The following TBL1XR1 variants were observed in gnomAD, a reference collection of about 807,000 sequenced individuals.
TBL1XR1 encodes the protein TBL1X/Y related 1.
Under a neutral mutation model 66.9 loss-of-function variants are expected in TBL1XR1, and 5 were observed. The observed-to-expected ratio is 0.07, with a 90% CI of 0.04 to 0.16. The LOEUF (loss-of-function observed/expected upper bound fraction) is 0.16, where lower values mean the gene tolerates loss of function less well. Ranked by LOEUF, TBL1XR1 falls within the 10% of genes least tolerant of loss-of-function variation. TBL1XR1 has a pLI of 1.00. For synonymous variants in TBL1XR1, 210 were observed against 206.0 expected, an observed-to-expected ratio of 1.02 and a Z score of -0.17; for missense variants, 238 against 623.2, an observed-to-expected ratio of 0.38 and a Z score of 6.58.
chr3:177,064,888 T>C (rs1475612903), intron 3 of TBL1XR1, 32 bp downstream of exon 3: 1 of 1,297,006 alleles, frequency 7.7e-7, no homozygotes, highest in South Asian at 1.3e-5. Context: ...TTAAAATAAT[T>C]TGAGGCCTAT....
chr3:177,099,095 G>A (rs565484577), intron 1 of TBL1XR1, among the ~76,000 whole-genome samples: 25 of 152,118 alleles, frequency 1.6e-4, no homozygotes, highest in African/African-American at 4.1e-4. Context: ...AGCCAGGCGC[G>A]GTGGCTCACG....
At chr3:177,039,046 C>T (rs1323455502) in intron 10 of TBL1XR1, among the ~76,000 whole-genome samples, 1 of 152,134 alleles carries the variant, frequency 6.6e-6, no homozygotes, top group East Asian at 1.9e-4. Flanking sequence ...ATGCTTAATA[C>T]AAACTTTACT....
chr3:177,163,510 GA>G (rs1242873420), intron 1 of TBL1XR1, among the ~76,000 whole-genome samples: 43 of 135,168 alleles, frequency 3.2e-4, no homozygotes, highest in Middle Eastern at 3.7e-3. Flanking sequence ...AACTCCGTCT[GA>G]AAAAAAAAAA....
Position 177,025,533 on chromosome 3 carries a change from A to C in TBL1XR1, c.1519-9T>G, listed in dbSNP as rs1240244204. The C allele has an allele frequency of 1.2e-6, 2 of 1,612,062 alleles. No homozygotes were observed. Among genetic ancestry groups the C allele is most frequent in the East Asian group, 4.5e-5 (2 of 44,868 alleles). On this transcript the variant is annotated splice_polypyrimidine_tract_variant and intron_variant, in intron 15 of 15. Transcript: ENST00000457928. Reference sequence around the variant, plus strand: ...AGGTCTAATACACAAACCTGTAAGAAATTAAAATAATCAACCAGTGTATTC... The same window carrying C: ...AGGTCTAATACACAAACCTGTAAGACATTAAAATAATCAACCAGTGTATTC...
At chr3:177,176,825 T>C (rs1405802096) in intron 1 of TBL1XR1, among the ~76,000 whole-genome samples, 1 of 151,720 alleles carries the variant, frequency 6.6e-6, no homozygotes, top group Non-Finnish European at 1.5e-5. Context: ...AAAAGAAATT[T>C]AAAAATTAGC....
At chr3:177,134,971 G>GTGTGTGTGTGTGTGTGTCTC (rs1283330297) in intron 1 of TBL1XR1, among the ~76,000 whole-genome samples, 1 of 146,068 alleles carries the variant, frequency 6.8e-6, no homozygotes, top group Admixed American at 6.9e-5. Flanking sequence ...GTGTGTCTGT[G>GTGTGTGTGTGTGTGTGTCTC]TGTGTGTCTG....
chr3:177,079,740 A>G (rs1408666719), intron 2 of TBL1XR1: 1 of 151,950 alleles, frequency 6.6e-6, no homozygotes, highest in East Asian at 1.9e-4. Context: ...AAAGGAAAAT[A>G]AGAGTTAGAC....
At chr3:177,138,780 C>CTCA (rs2108812125) in intron 1 of TBL1XR1, among the ~76,000 whole-genome samples, 1 of 151,942 alleles carries the variant, frequency 6.6e-6, no homozygotes, top group African/African-American at 2.4e-5. Context: ...GAAGGGATCT[C>CTCA]TCACCATTTG....
Position 177,050,023 on chromosome 3 carries a change from T to G in TBL1XR1, c.676A>C (p.Lys226Gln). 1 of 1,613,724 alleles carries G rather than the reference T, an allele frequency of 6.2e-7. No homozygotes were observed. The highest frequency in any genetic ancestry group is 8.5e-7 in the Non-Finnish European group (1 of 1,179,772). The change falls in exon 7 of 16, where the codon AAG (lysine) becomes CAG (glutamine). Residue 226 changes from lysine to glutamine, a missense_variant. Transcript: ENST00000457928. ...REGGQDVPSN[K>Q]DVTSLDWNSE... ...TTCCAATCTAGAGATGTGACATCCT[T>G]GTTGCTTGGAACATCTTGCCCTCCT...
intron 1 of TBL1XR1, among the ~76,000 whole-genome samples, chr3:177,146,023 A>G (rs970014310): frequency 6.6e-6 from 1 of 152,234 alleles, no homozygotes; most frequent in Admixed American, 6.5e-5. Context: ...GCAGGTACCT[A>G]CTTAATACAA....
intron 1 of TBL1XR1, among the ~76,000 whole-genome samples, chr3:177,139,238 C>A (rs1175241315): frequency 6.6e-6 from 1 of 152,176 alleles, no homozygotes; most frequent in East Asian, 1.9e-4. Flanking sequence ...TAGTAAAGCA[C>A]TGGCCGGGTG....
At chr3:177,172,643 G>C (rs1175673112) in intron 1 of TBL1XR1, among the ~76,000 whole-genome samples, 1 of 124,540 alleles carries the variant, frequency 8.0e-6, no homozygotes, top group Admixed American at 9.3e-5. Context: ...AAGAGAGAGA[G>C]AGAGAAAGAG....
intron 1 of TBL1XR1, among the ~76,000 whole-genome samples, chr3:177,136,891 A>G (rs1475055638): frequency 1.3e-5 from 2 of 152,176 alleles, no homozygotes; most frequent in African/African-American, 4.8e-5. Flanking sequence ...AAAGACAATT[A>G]CTCAATATTA....
At position 177,024,415 on chromosome 3, in the gene TBL1XR1, A is replaced by G. The variant is rs2108369432; in HGVS notation, c.*1083T>C. The G allele has an allele frequency of 6.5e-6, 1 of 152,696 alleles. No individual in the cohort carries two copies. Among genetic ancestry groups the G allele is most frequent in the South Asian group, 2.1e-4 (1 of 4,832 alleles). 9.5% of individuals were successfully genotyped at this position (152,696 alleles called of 1,614,324 possible). On this transcript the variant is annotated 3_prime_UTR_variant, in exon 16 of 16. Coordinates refer to ENST00000457928, the MANE Select transcript of TBL1XR1 (RefSeq NM_024665.7). ...GGTTACATTACATATTTAAGCTTCT[A>G]CACAGAATGATGGACACTTCGAGAA...
chr3:177,198,343 G>C (rs1174103041), upstream of TBL1XR1, among the ~76,000 whole-genome samples: 3 of 152,180 alleles, frequency 2.0e-5, no homozygotes, highest in East Asian at 5.8e-4. Context: ...TGAAAGGTTT[G>C]CTCGATCAGT....
intron 2 of TBL1XR1, among the ~76,000 whole-genome samples, chr3:177,068,007 A>C (rs1302469316): frequency 1.3e-5 from 2 of 152,202 alleles, no homozygotes; most frequent in East Asian, 1.9e-4. Flanking sequence ...ACTGTCTTTA[A>C]ACTAGGTCAC....
chr3:177,134,969 G>GTGTGTGTGTGTGTGTC (rs146706429), intron 1 of TBL1XR1, among the ~76,000 whole-genome samples: 1,385 of 95,536 alleles, frequency 0.014, 26 homozygotes, highest in East Asian at 0.11. Context: ...GTGTGTGTCT[G>GTGTGTGTGTGTGTGTC]TGTGTGTGTC....
At chr3:177,087,098 T>A (rs528237053) in intron 2 of TBL1XR1, 1 of 145,252 alleles carries the variant, frequency 6.9e-6, no homozygotes, top group African/African-American at 2.6e-5. Flanking sequence ...AAGGCAGGCA[T>A]ACTAGATGCA....
chr3:177,141,072 T>C (rs1328455021), intron 1 of TBL1XR1, among the ~76,000 whole-genome samples: 1 of 152,184 alleles, frequency 6.6e-6, no homozygotes, highest in East Asian at 1.9e-4. Context: ...TAAGGAAGAA[T>C]AAATGCACTA....
Sources: allele counts gnomAD v4.1 joint callset (sites outside exome capture counted in the v4.1 genomes callset), GRCh38; gene constraint gnomAD v4.1.1; transcripts MANE v1.5; gene names NCBI Gene and HGNC (gene_info 2026-07-23, HGNC 2026-07-21).